The following JADE3 variants were observed in gnomAD, a reference collection of about 807,000 sequenced individuals.
The protein encoded by JADE3 is jade family PHD finger 3.
In JADE3, 2 loss-of-function variants were observed where a neutral mutation model predicts 50.1. The observed-to-expected ratio is 0.04, with a 90% CI of 0.02 to 0.13. The LOEUF is 0.13. Among genes scored for constraint, JADE3 ranks in the 10% least tolerant of loss-of-function variants. The pLI is 1.00. For missense variants in JADE3, 475 were observed against 634.4 expected (o/e 0.75, Z 2.70); for synonymous variants, 218 against 232.9 (o/e 0.94, Z 0.58).
intron 1 of JADE3, among the ~76,000 whole-genome samples, chrX:46,934,920 G>A (rs1926581918): frequency 9.0e-6 from 1 of 111,403 alleles, no homozygotes. Context: ...ATGAGGGTCA[G>A]TTTCTGGTCT....
chrX:46,958,277 A>G (rs1435048953), intron 1 of JADE3, among the ~76,000 whole-genome samples: 1 of 112,449 alleles, frequency 8.9e-6, no homozygotes, highest in Non-Finnish European at 1.9e-5. Flanking sequence ...TATTTGGGAA[A>G]CAATTTAATT....
At chrX:46,957,818 A>G (rs1348046006) in intron 1 of JADE3, among the ~76,000 whole-genome samples, 2 of 112,234 alleles carry the variant, frequency 1.8e-5, no homozygotes, top group East Asian at 5.5e-4. Context: ...CAGAGTATGA[A>G]TGAACCTTAT....
chrX:47,020,516 CTATCAT>C (rs1305039941), intron 4 of JADE3, among the ~76,000 whole-genome samples: 1 of 111,511 alleles, frequency 9.0e-6, no homozygotes, highest in Non-Finnish European at 1.9e-5. Flanking sequence ...CCTTCCCCCT[CTATCAT>C]TATAAGTACA....
intron 1 of JADE3, among the ~76,000 whole-genome samples, chrX:46,954,308 A>G (rs1432186055): frequency 8.9e-6 from 1 of 111,933 alleles, no homozygotes. Flanking sequence ...ACTTGGGAAT[A>G]TTTAAGAGCT....
At chrX:46,999,487 A>AC (rs1556358444) in intron 4 of JADE3, among the ~76,000 whole-genome samples, 3 of 103,178 alleles carry the variant, frequency 2.9e-5, no homozygotes, top group African/African-American at 7.1e-5. Context: ...ATATATATAA[A>AC]ATAGGGTCTT....
chrX:47,006,248 G>A (rs191331947), intron 4 of JADE3, among the ~76,000 whole-genome samples: 114 of 109,815 alleles, frequency 1.0e-3, no homozygotes, highest in Non-Finnish European at 1.7e-3. Context: ...CTATAGGTTG[G>A]TCAGTTATCT....
At chrX:46,962,539 A>C (rs1927284108) in intron 1 of JADE3, among the ~76,000 whole-genome samples, 1 of 111,441 alleles carries the variant, frequency 9.0e-6, no homozygotes. Flanking sequence ...GGTAAGTGGA[A>C]TACAACTCCT....
chrX:47,027,820 T>C (rs1928936064), intron 5 of JADE3, 72 bp from the exon 6 acceptor site: 3 of 871,856 alleles, frequency 3.4e-6, no homozygotes, highest in African/African-American at 3.9e-5. Context: ...ACTCCTGCAC[T>C]GGGCTCACAG....
intron 1 of JADE3, among the ~76,000 whole-genome samples, chrX:46,970,833 T>G (rs1927466838): frequency 8.9e-6 from 1 of 111,889 alleles, no homozygotes; most frequent in Non-Finnish European, 1.9e-5. Context: ...TGAACGTTAT[T>G]GTAAATGTAT....
At chrX:47,007,628 C>T (rs1443034956) in intron 4 of JADE3, among the ~76,000 whole-genome samples, 1 of 111,366 alleles carries the variant, frequency 9.0e-6, no homozygotes, top group Non-Finnish European at 1.9e-5. Flanking sequence ...ATATGTCTTT[C>T]TCCATTATTT....
At chrX:46,988,878 C>T (rs781787485) in intron 3 of JADE3, among the ~76,000 whole-genome samples, 1 of 112,523 alleles carries the variant, frequency 8.9e-6, no homozygotes, top group East Asian at 2.8e-4. Context: ...CTCGCTCTGT[C>T]GCTCAGGCTA....
chrX:47,018,244 ACCT>A (rs1928716730), intron 4 of JADE3, among the ~76,000 whole-genome samples: 1 of 107,245 alleles, frequency 9.3e-6, no homozygotes, highest in Non-Finnish European at 1.9e-5. Context: ...TTCTTCCCAC[ACCT>A]CCTTTTTCAT....
At chrX:47,010,846 T>A (rs1007235727) in intron 4 of JADE3, among the ~76,000 whole-genome samples, 3 of 111,401 alleles carry the variant, frequency 2.7e-5, no homozygotes, top group African/African-American at 6.5e-5. Context: ...CAAAAAAAAA[T>A]TATTTTTTCA....
intron 1 of JADE3, among the ~76,000 whole-genome samples, chrX:46,936,197 T>C (rs1926620716): frequency 9.1e-6 from 1 of 109,805 alleles, no homozygotes; most frequent in Non-Finnish European, 1.9e-5. Flanking sequence ...TTTTGTATTT[T>C]TAGTAGAAAC....
chrX:47,020,715 A>G lies in JADE3; in HGVS notation c.285-4009A>G, dbSNP rs1285220931. Among the ~76,000 whole-genome samples the G allele has an allele frequency of 1.6e-4, 18 of 112,505 alleles. No homozygotes were observed. The Admixed American group carries it at 1.7e-3, about 11-fold the overall frequency. On this transcript the variant is annotated intron_variant, in intron 4 of 10. Transcript: ENST00000614628. ...CATTGCTGTCATTATCATTATTGTA[A>G]ATTTTGCATCGAAGTATAATATCCA...
intron 1 of JADE3, among the ~76,000 whole-genome samples, chrX:46,955,041 T>C (rs188562906): frequency 7.4e-4 from 83 of 112,292 alleles, no homozygotes; most frequent in Admixed American, 4.9e-3. Flanking sequence ...AGCTATAACA[T>C]GTTGTCTCAT....
At chrX:46,925,839 A>C (rs1445953670) in intron 1 of JADE3, among the ~76,000 whole-genome samples, 1 of 106,692 alleles carries the variant, frequency 9.4e-6, no homozygotes, top group Non-Finnish European at 1.9e-5. Flanking sequence ...AAAAAAAAAA[A>C]AGATGACCTA....
At chrX:47,001,151 G>GT (rs1360571817) in intron 4 of JADE3, among the ~76,000 whole-genome samples, 1 of 111,708 alleles carries the variant, frequency 9.0e-6, no homozygotes, top group Non-Finnish European at 1.9e-5. Flanking sequence ...ATCAGTTTCT[G>GT]TTTTTTAGAA....
intron 1 of JADE3, among the ~76,000 whole-genome samples, chrX:46,927,588 G>A (rs892002589): frequency 3.2e-4 from 36 of 112,256 alleles, no homozygotes; most frequent in African/African-American, 1.1e-3. Flanking sequence ...CATGTAAGAA[G>A]CTGCAAAAAG....
Sources: allele counts gnomAD v4.1 joint callset (sites outside exome capture counted in the v4.1 genomes callset), GRCh38; gene constraint gnomAD v4.1.1; transcripts MANE v1.5; gene names NCBI Gene and HGNC (gene_info 2026-07-23, HGNC 2026-07-21).